COL15A1: variants seen among roughly 807,000 people sequenced by gnomAD.
COL15A1 encodes collagen alpha-1(XV) chain.
COL15A1 carries 111 observed loss-of-function variants against 165.9 expected under a neutral mutation model. That is an observed-to-expected ratio of 0.67 (90% CI 0.57 to 0.78). The LOEUF (loss-of-function observed/expected upper bound fraction) is 0.78, where lower values mean the gene tolerates loss of function less well. COL15A1 is among the 30% of genes least tolerant of loss of function. The pLI is 0.00. For missense variants in COL15A1, 1,745 were observed against 1,789.7 expected, an observed-to-expected ratio of 0.98 and a Z score of 0.45; for synonymous variants, 659 against 674.8, an observed-to-expected ratio of 0.98 and a Z score of 0.36.
At chr9:99,021,988 C>G (rs1839036011) in intron 12 of COL15A1, 103 bp from the exon 13 acceptor site, 1 of 1,491,876 alleles carries the variant, frequency 6.7e-7, no homozygotes, top group East Asian at 2.3e-5. Context: ...TTTTTCTTTC[C>G]TGTGTGATCC....
At position 99,066,873 on chromosome 9, in the gene COL15A1, A is replaced by C. The variant is rs756037461; in HGVS notation, c.3652-9A>C. The stretch of plus-strand genomic sequence containing the variant: ...TTCTGACTGCTCTCTTTTGTCTCAC[A>C]TTTTTCAGCTGCATTTGGCTGCTCT... On this transcript the variant is annotated splice_polypyrimidine_tract_variant and intron_variant, in intron 39 of 41. Coordinates refer to ENST00000375001, the MANE Select transcript of COL15A1 (RefSeq NM_001855.5). 7 of 1,608,838 alleles carry C rather than the reference A, an allele frequency of 4.4e-6. No homozygotes were observed. In the African/African-American group the frequency reaches 8.0e-5, roughly 18 times the overall value.
rs575235181 is a variant in COL15A1, at chr9:99,020,374, ATCT to A, written c.1648-7_1648-5del. The stretch of plus-strand genomic sequence containing the variant: ...TATGTTGTGGCCACGTTTTAACCAA[ATCT>A]TCTTCTTTTAGGCTCAAAGAGAACA... On this transcript the variant is annotated splice_polypyrimidine_tract_variant and intron_variant, in intron 11 of 41. Transcript: ENST00000375001. 357 of 1,608,906 alleles carry A rather than the reference ATCT, an allele frequency of 2.2e-4. 2 individuals are homozygous for A. In the East Asian group the frequency reaches 6.2e-3, roughly 28 times the overall value.
Position 99,063,089 on chromosome 9 carries a change from G to C in COL15A1, c.3631G>C (p.Ala1211Pro). Residue 1211 changes from alanine to proline, a missense_variant, in exon 39 of 42, where the codon GCC (alanine) becomes CCC (proline). Physicochemically the swap from Ala to Pro is conservative, Grantham distance 27. Coordinates refer to ENST00000375001, the MANE Select transcript of COL15A1 (RefSeq NM_001855.5). ...GCCTCCACCAAACCCTATTTCAAGTGCCAATTATGAGAAGCCTGCTGTAAG... is the reference window on the plus strand; with the variant it reads ...GCCTCCACCAAACCCTATTTCAAGTCCCAATTATGAGAAGCCTGCTGTAAG... ...LLPPPNPISS[A>P]NYEKPALHLA... The C allele has an allele frequency of 6.3e-7, 1 of 1,581,364 alleles. No individual in the cohort carries two copies. Among genetic ancestry groups the C allele is most frequent in the Non-Finnish European group, 8.5e-7 (1 of 1,169,738 alleles).
chr9:99,008,600 A>G (rs1564051591), intron 9 of COL15A1, among the ~76,000 whole-genome samples: 1 of 152,170 alleles, frequency 6.6e-6, no homozygotes, highest in Non-Finnish European at 1.5e-5. Flanking sequence ...TTTTGTTTAT[A>G]TGAGTATATT....
intron 25 of COL15A1, 31 bp downstream of exon 25, chr9:99,044,667 T>C (rs774072384): frequency 1.2e-6 from 2 of 1,612,574 alleles, no homozygotes. Context: ...TGCAGGCACA[T>C]ATCTGCCCCA....
chr9:99,045,635 T>G (rs1296396494), intron 26 of COL15A1, among the ~76,000 whole-genome samples: 2 of 152,196 alleles, frequency 1.3e-5, no homozygotes, highest in Non-Finnish European at 2.9e-5. Context: ...GAAGTGACTC[T>G]CAGAATCCCC....
At chr9:99,013,208 C>T (rs1041242347) in intron 9 of COL15A1, among the ~76,000 whole-genome samples, 6 of 151,996 alleles carry the variant, frequency 3.9e-5, no homozygotes, top group African/African-American at 1.2e-4. Context: ...GTGACCAGCT[C>T]CTATATGCAC....
chr9:99,056,218 G>T, intron 34 of COL15A1, 42 bp from the exon 35 acceptor site: 1 of 1,601,316 alleles, frequency 6.2e-7, no homozygotes, highest in Non-Finnish European at 8.6e-7. Flanking sequence ...TTCGAGTGAT[G>T]AATGATGCTT....
rs1031801407 is a variant in COL15A1 at position 99,020,371 on chromosome 9, C to A, written c.1648-18C>A. 6.2e-7 allele frequency: 1 copy of A among 1,606,848 alleles called. No homozygotes were observed. The highest frequency in any genetic ancestry group is 8.5e-7 in the Non-Finnish European group (1 of 1,173,480). ...AAATATGTTGTGGCCACGTTTTAACCAAATCTTCTTCTTTTAGGCTCAAAG... is the reference window on the plus strand; with the variant it reads ...AAATATGTTGTGGCCACGTTTTAACAAAATCTTCTTCTTTTAGGCTCAAAG... On this transcript the variant is annotated intron_variant, in intron 11 of 41. Coordinates refer to ENST00000375001, the MANE Select transcript of COL15A1 (RefSeq NM_001855.5).
At chr9:99,004,761 C>T in intron 8 of COL15A1, 137 bp from the exon 9 acceptor site, 1 of 924,680 alleles carries the variant, frequency 1.1e-6, no homozygotes, top group Non-Finnish European at 1.7e-6. Context: ...TGTCTGATGT[C>T]TCACTGTGGG....
Position 99,068,658 on chromosome 9 carries a change from C to A in COL15A1, c.3941C>A (p.Thr1314Lys). 1 of 1,555,336 alleles carries A rather than the reference C, an allele frequency of 6.4e-7. No individual in the cohort carries two copies. The highest frequency in any genetic ancestry group is 1.2e-5 in the South Asian group (1 of 80,866). Residue 1314 changes from threonine to lysine, a missense_variant, in exon 41 of 42, where the codon ACA (threonine) becomes AAA (lysine). Thr to Lys is a moderately conservative substitution (Grantham distance 78, BLOSUM62 -1). Coordinates refer to ENST00000375001, the MANE Select transcript of COL15A1 (RefSeq NM_001855.5). Reference protein sequence around the residue: ...IYSFDGRDIMTDPSWPQKVIW... With the variant: ...IYSFDGRDIMKDPSWPQKVIW... ...TCCTTTGATGGTCGAGACATAATGA[C>A]AGATCCTTCTTGGTAAGTGAGGGTG...
At chr9:99,041,511 G>T (rs1357550111) in intron 23 of COL15A1, 1 of 152,422 alleles carries the variant, frequency 6.6e-6, no homozygotes, top group Non-Finnish European at 1.5e-5. Context: ...CCTATGGGGG[G>T]GGTGGCATGA....
chr9:98,983,835 T>A (rs1838266893), intron 2 of COL15A1, among the ~76,000 whole-genome samples: 4 of 152,212 alleles, frequency 2.6e-5, no homozygotes, highest in Admixed American at 2.6e-4. Context: ...ACACTCAGAC[T>A]TGGAGTGGTT....
At position 99,055,247 on chromosome 9, in the gene COL15A1, G is replaced by A; in HGVS notation, c.3082-15G>A. 6.3e-7 allele frequency: 1 copy of A among 1,598,808 alleles called. No homozygotes were observed. ...CCCACTCTTACTGAAATATTCCTGTGTTCTCTGCTTCCAGGGGGAGAATGG... is the reference window on the plus strand; with the variant it reads ...CCCACTCTTACTGAAATATTCCTGTATTCTCTGCTTCCAGGGGGAGAATGG... On this transcript the variant is annotated splice_polypyrimidine_tract_variant and intron_variant, in intron 33 of 41. Coordinates refer to ENST00000375001, the MANE Select transcript of COL15A1 (RefSeq NM_001855.5).
chr9:98,950,966 C>G (rs1258255898), intron 2 of COL15A1, among the ~76,000 whole-genome samples: 1 of 152,154 alleles, frequency 6.6e-6, no homozygotes, highest in Non-Finnish European at 1.5e-5. Flanking sequence ...TGGCCACCAT[C>G]TTCTCTGGAG....
intron 16 of COL15A1, among the ~76,000 whole-genome samples, chr9:99,026,874 C>A (rs1839135393): frequency 6.6e-6 from 1 of 152,212 alleles, no homozygotes; most frequent in Non-Finnish European, 1.5e-5. Context: ...GTCTGCTCCT[C>A]ACCCCCACCC....
chr9:99,059,935 T>C lies in COL15A1; in HGVS notation c.3384T>C (p.Leu1128=), dbSNP rs757521101. 2 of 1,614,016 alleles carry C rather than the reference T, an allele frequency of 1.2e-6. No homozygotes were observed. The highest frequency in any genetic ancestry group is 2.2e-5 in the South Asian group (2 of 91,062). ...GPPGPPGQPG[L]PGSRNLVTAF... ...CTGGCCCTCCAGGACAGCCAGGGCTTCCCGGATCCAGAAACCTGGTCAGTA... is the reference window on the plus strand; with the variant it reads ...CTGGCCCTCCAGGACAGCCAGGGCTCCCCGGATCCAGAAACCTGGTCAGTA... Residue 1128 remains leucine, a synonymous_variant, in exon 36 of 42, where the codon CTT becomes CTC. Transcript: ENST00000375001.
At position 99,044,714 on chromosome 9, in the gene COL15A1, G is replaced by T. The variant is rs766321146; in HGVS notation, c.2644-21G>T. On this transcript the variant is annotated intron_variant, in intron 25 of 41. Coordinates refer to ENST00000375001, the MANE Select transcript of COL15A1 (RefSeq NM_001855.5). Reference sequence around the variant, plus strand: ...TTGTTTCTGTCCCAAACAGTGACAAGTATATATCTTCCTGTTTTAGGGTGA... The same window carrying T: ...TTGTTTCTGTCCCAAACAGTGACAATTATATATCTTCCTGTTTTAGGGTGA... 2.5e-6 allele frequency: 4 copies of T among 1,613,222 alleles called. No individual in the cohort carries two copies. The South Asian group carries it at 4.4e-5, about 18-fold the overall frequency.
intron 2 of COL15A1, among the ~76,000 whole-genome samples, chr9:98,982,887 G>A (rs947668460): frequency 6.6e-6 from 1 of 152,126 alleles, no homozygotes; most frequent in African/African-American, 2.4e-5. Context: ...GCACTCCTTG[G>A]CCTCCCAAAG....
Sources: gnomAD v4.1 joint callset for allele counts (sites outside exome capture counted in the v4.1 genomes callset) on GRCh38, gnomAD v4.1.1 for gene constraint, MANE v1.5 for transcripts, NCBI Gene and HGNC (gene_info 2026-07-23, HGNC 2026-07-21) for gene names.